The following IHO1 variants were observed in gnomAD, a reference collection of about 807,000 sequenced individuals.
IHO1 encodes the protein interactor of HORMAD1 protein 1.
A neutral mutation model predicts 31.0 loss-of-function variants in IHO1; 13 were observed. The ratio of observed to expected loss-of-function variants is 0.42; its 90% CI spans 0.27 to 0.67. The LOEUF (loss-of-function observed/expected upper bound fraction) is 0.67. IHO1 is among the 30% of genes least tolerant of loss of function. The pLI is 0.24. For missense variants in IHO1, 599 were observed against 687.5 expected, an observed-to-expected ratio of 0.87 and a Z score of 1.44; for synonymous variants, 221 against 248.4, an observed-to-expected ratio of 0.89 and a Z score of 1.04.
chr3:49,228,080 G>C (rs1454260685), intron 2 of IHO1, among the ~76,000 whole-genome samples: 1 of 152,178 alleles, frequency 6.6e-6, no homozygotes, highest in African/African-American at 2.4e-5. Context: ...TAGCCTCGGA[G>C]AAGAGAGGTG....
intron 2 of IHO1, among the ~76,000 whole-genome samples, chr3:49,230,113 A>T (rs1441440150): frequency 6.6e-6 from 1 of 152,214 alleles, no homozygotes; most frequent in Non-Finnish European, 1.5e-5. Flanking sequence ...CAGATAAGCC[A>T]ATTTTGATAG....
chr3:49,199,381 T>C (rs1416638023), upstream of IHO1: 1 of 147,518 alleles, frequency 6.8e-6, no homozygotes, highest in Non-Finnish European at 1.5e-5. Flanking sequence ...GCCGCGCGAG[T>C]TGCCGTTAGG....
chr3:49,247,982 A>G (rs1460448628), intron 6 of IHO1, among the ~76,000 whole-genome samples: 4 of 151,798 alleles, frequency 2.6e-5, no homozygotes, highest in African/African-American at 9.7e-5. Context: ...TAAATTAGCC[A>G]TGCGTGATGG....
At chr3:49,212,856 A>G (rs959224838) in intron 2 of IHO1, among the ~76,000 whole-genome samples, 2 of 152,210 alleles carry the variant, frequency 1.3e-5, no homozygotes, top group Non-Finnish European at 2.9e-5. Context: ...AATCTTCCGC[A>G]GTGTGGAAGA....
chr3:49,206,727 G>A (rs1575564130), intron 1 of IHO1, among the ~76,000 whole-genome samples: 1 of 152,064 alleles, frequency 6.6e-6, no homozygotes, highest in African/African-American at 2.4e-5. Flanking sequence ...AGATAGAGTT[G>A]CTCTGGTTCA....
intron 2 of IHO1, among the ~76,000 whole-genome samples, chr3:49,218,563 G>T (rs2046316937): frequency 6.6e-6 from 1 of 151,734 alleles, no homozygotes; most frequent in African/African-American, 2.4e-5. Flanking sequence ...TGTATTTTTA[G>T]TAGAGATGGG....
At position 49,199,549 on chromosome 3, in the gene IHO1, G is replaced by C. The variant is rs1195508256; in HGVS notation, c.-40G>C. On this transcript the variant is annotated 5_prime_UTR_variant, in exon 1 of 8. Transcript: ENST00000452691. ...CGAAGCCACGTCAGGGCAGCCCCAGGTCGGGCGCGTGCCAGCAGCCAGAGG... is the reference window on the plus strand; with the variant it reads ...CGAAGCCACGTCAGGGCAGCCCCAGCTCGGGCGCGTGCCAGCAGCCAGAGG... 6.6e-6 allele frequency: 1 copy of C among 151,916 alleles called. No individual in the cohort carries two copies. Among genetic ancestry groups the C allele is most frequent in the Non-Finnish European group, 1.5e-5 (1 of 68,056 alleles). The allele number at this position is 151,916 out of a possible 1,614,324, so 9.4% of individuals were successfully genotyped here. A position where few individuals can be genotyped will look rare whatever the true frequency, so the allele number is the denominator to read the frequency against.
intron 2 of IHO1, among the ~76,000 whole-genome samples, chr3:49,214,611 T>TATATATATATATATATATAC (rs2046262594): frequency 3.7e-5 from 1 of 27,056 alleles, no homozygotes; most frequent in Non-Finnish European, 7.1e-5. Context: ...CTAGATCATA[T>TATATATATATATATATATAC]ATATATATAT....
chr3:49,253,494 T>C (rs959428247), intron 6 of IHO1, among the ~76,000 whole-genome samples: 1 of 152,112 alleles, frequency 6.6e-6, no homozygotes, highest in Admixed American at 6.6e-5. Context: ...CACCCCTCTG[T>C]GTAACTGTGA....
In IHO1 at chr3:49,256,133, G is replaced by C; in HGVS notation, c.637-1G>C. On this transcript the variant is annotated splice_acceptor_variant, in intron 7 of 7. Transcript: ENST00000452691. LOFTEE classifies it high-confidence loss of function. This position sits in a 1 kb window ranked among gnomAD's most constrained non-coding sequence, Gnocchi z 4.6. ...GTCTTTCTCACTGCCTCTCTCCCCA[G>C]AGACAAGGAGAGTTTATAGAAATGA... The C allele has an allele frequency of 1.3e-6, 2 of 1,599,154 alleles. No homozygotes were observed. Among genetic ancestry groups the C allele is most frequent in the Non-Finnish European group, 1.7e-6 (2 of 1,172,560 alleles).
At chr3:49,245,188 A>AT (rs146992633) in intron 6 of IHO1, 4,567 of 177,278 alleles carry the variant, frequency 0.026, 10 homozygotes, top group Middle Eastern at 0.043. Context: ...ATCATTCTCA[A>AT]TTTTTTTTTT....
At chr3:49,203,011 C>T (rs948281982) in intron 1 of IHO1, among the ~76,000 whole-genome samples, 10 of 152,014 alleles carry the variant, frequency 6.6e-5, no homozygotes, top group Admixed American at 1.3e-4. Flanking sequence ...TACAGGCGCC[C>T]GCCACCGCGC....
At chr3:49,201,378 C>T (rs376412911) in intron 1 of IHO1, among the ~76,000 whole-genome samples, 7 of 151,860 alleles carry the variant, frequency 4.6e-5, no homozygotes, top group East Asian at 3.9e-4. Flanking sequence ...GAGGCCAAGG[C>T]GGGTGGATCA....
intron 1 of IHO1, among the ~76,000 whole-genome samples, chr3:49,203,787 A>C (rs1232018426): frequency 6.6e-6 from 1 of 152,182 alleles, no homozygotes; most frequent in Non-Finnish European, 1.5e-5. Flanking sequence ...ATTTTGAAGG[A>C]ATTAGTATAG....
chr3:49,248,293 G>A (rs1012825741), intron 6 of IHO1, among the ~76,000 whole-genome samples: 1 of 151,628 alleles, frequency 6.6e-6, no homozygotes, highest in African/African-American at 2.4e-5. Flanking sequence ...GTGGTGGCGG[G>A]CACCTGTAGT....
At chr3:49,200,643 C>G (rs761733504) in intron 1 of IHO1, 76 of 851,382 alleles carry the variant, frequency 8.9e-5, no homozygotes, top group Non-Finnish European at 1.1e-4. Flanking sequence ...GGGCCCTTCC[C>G]TTGTATATAG....
At chr3:49,241,448 A>G in intron 4 of IHO1, 59 bp downstream of exon 4, 1 of 1,467,142 alleles carries the variant, frequency 6.8e-7, no homozygotes, top group Non-Finnish European at 9.3e-7. Flanking sequence ...AACAAGACAT[A>G]GAGTGTCAGT....
chr3:49,226,306 T>G (rs955119574), intron 2 of IHO1, among the ~76,000 whole-genome samples: 1 of 152,214 alleles, frequency 6.6e-6, no homozygotes, highest in Non-Finnish European at 1.5e-5. Context: ...TTTTGGAACT[T>G]TCTCCTGATA....
At chr3:49,237,707 TAGAC>T (rs1298612836) in intron 3 of IHO1, among the ~76,000 whole-genome samples, 3 of 151,774 alleles carry the variant, frequency 2.0e-5, no homozygotes, top group African/African-American at 7.3e-5. Context: ...AATTTTATTT[TAGAC>T]AGACTTTTTT....
Sources: gnomAD v4.1 joint callset for allele counts (sites outside exome capture counted in the v4.1 genomes callset) on GRCh38, gnomAD v4.1.1 for gene constraint, Gnocchi (gnomAD v3.1) non-coding constraint, MANE v1.5 for transcripts, NCBI Gene and HGNC (gene_info 2026-07-23, HGNC 2026-07-21) for gene names.